The following FUOM variants were observed in gnomAD, a reference collection of about 807,000 sequenced individuals.
FUOM encodes fucose mutarotase.
In FUOM, 19 loss-of-function variants were observed where a neutral mutation model predicts 18.3. The observed-to-expected ratio is 1.04, with a 90% confidence interval of 0.73 to 1.53. The LOEUF (loss-of-function observed/expected upper bound fraction) is 1.53, where lower values mean the gene tolerates loss of function less well. FUOM is among the 40% of genes most tolerant of loss of function. FUOM has a pLI of 0.00. For missense variants in FUOM, 210 were observed against 200.9 expected (o/e 1.04, Z -0.27); for synonymous variants, 102 against 87.9 (o/e 1.16, Z -0.90).
chr10:133,354,206 A>G (rs537476835), downstream of FUOM, among the ~76,000 whole-genome samples: 44 of 152,146 alleles, frequency 2.9e-4, 1 homozygote, highest in Non-Finnish European at 1.0e-4. Context: ...AGAGATGAGC[A>G]GTGATTGGCC....
At chr10:133,355,538 C>T (rs374104109) in intron 5 of FUOM, 102 bp from the exon 6 acceptor site, 402 of 1,609,182 alleles carry the variant, frequency 2.5e-4, no homozygotes, top group Middle Eastern at 8.3e-4. Context: ...TCCACCTTCA[C>T]CCACTTGATG....
In FUOM at chr10:133,357,982, G is replaced by T; in HGVS notation, c.26C>A (p.Ala9Glu). Residue 9 changes from alanine to glutamate, a missense_variant, in exon 1 of 6, where the codon GCA (alanine) becomes GAA (glutamate). Transcript: ENST00000278025. Reference protein sequence around the residue: MVALKGVPALLSPELLYAL... With the variant: MVALKGVPELLSPELLYAL... Reference sequence around the variant, plus strand: ...GTAGAGCAGCTCGGGGGACAGCAGTGCGGGGACACCCTTCAGCGCCACCAT... The same window carrying T: ...GTAGAGCAGCTCGGGGGACAGCAGTTCGGGGACACCCTTCAGCGCCACCAT... 1 of 1,517,224 alleles carries T rather than the reference G, an allele frequency of 6.6e-7. No individual in the cohort carries two copies. 94.0% of individuals were successfully genotyped at this position (1,517,224 alleles called of 1,614,324 possible).
At chr10:133,353,072 A>T (rs2133409240), downstream of FUOM, among the ~76,000 whole-genome samples, 1 of 152,278 alleles carries the variant, frequency 6.6e-6, no homozygotes, top group Non-Finnish European at 1.5e-5. Context: ...GTCTCAGCTG[A>T]GAAACAGAAC....
chr10:133,355,875 G>A, intron 4 of FUOM, 64 bp from the exon 5 acceptor site: 1 of 1,353,302 alleles, frequency 7.4e-7, no homozygotes, highest in Non-Finnish European at 1.1e-6. Context: ...GCCAGCCCTG[G>A]ACTCCCCAGG....
At chr10:133,357,553 G>A (rs778812957) in intron 1 of FUOM, 9 of 501,462 alleles carry the variant, frequency 1.8e-5, no homozygotes, top group African/African-American at 4.1e-5. Context: ...CGCCTCCCCA[G>A]GGGCCAGAGG....
chr10:133,357,133 C>T (rs551038472), intron 2 of FUOM, 54 bp downstream of exon 2: 9 of 1,545,724 alleles, frequency 5.8e-6, no homozygotes, highest in East Asian at 2.4e-5. Flanking sequence ...GCCTCAGAGC[C>T]AGGAGCACCG....
At chr10:133,355,643 G>A (rs1362258879) in intron 5 of FUOM, 95 bp downstream of exon 5, 2 of 1,549,070 alleles carry the variant, frequency 1.3e-6, no homozygotes, top group African/African-American at 1.4e-5. Context: ...GCTGAGAAGA[G>A]GGTAGGGGCA....
At chr10:133,357,883 TC>T in intron 1 of FUOM, 39 bp downstream of exon 1, 2 of 1,486,138 alleles carry the variant, frequency 1.3e-6, no homozygotes, top group South Asian at 1.2e-5. Flanking sequence ...CTCCTGCCTG[TC>T]CCGGGGTGCT....
At chr10:133,353,224 C>T (rs879787309), downstream of FUOM, among the ~76,000 whole-genome samples, 1 of 152,178 alleles carries the variant, frequency 6.6e-6, no homozygotes, top group Non-Finnish European at 1.5e-5. Context: ...GGCGGGTAGA[C>T]CCAGGCCCAG....
At chr10:133,357,896 C>T (rs1039554076) in intron 1 of FUOM, 27 bp downstream of exon 1, 5 of 1,512,264 alleles carry the variant, frequency 3.3e-6, no homozygotes, top group Non-Finnish European at 4.4e-6. Flanking sequence ...CGGGGTGCTC[C>T]CCGAGGCCCC....
chr10:133,357,015 T>A lies in FUOM; in HGVS notation c.155-2A>T. ...CCAGGAGCTGCGGGATGCCCAGGCCTGGAGGGCAGAGGAGGCAGCACTCAG... is the reference window on the plus strand; with the variant it reads ...CCAGGAGCTGCGGGATGCCCAGGCCAGGAGGGCAGAGGAGGCAGCACTCAG... On this transcript the variant is annotated splice_acceptor_variant, in intron 2 of 5. Coordinates refer to ENST00000278025, the MANE Select transcript of FUOM (RefSeq NM_001098483.3). LOFTEE classifies it high-confidence loss of function. 1 of 1,549,874 alleles carries A rather than the reference T, an allele frequency of 6.5e-7. No individual in the cohort carries two copies. Among genetic ancestry groups the A allele is most frequent in the Non-Finnish European group, 8.7e-7 (1 of 1,146,890 alleles).
chr10:133,355,730 G>C lies in FUOM; in HGVS notation c.398+8C>G, dbSNP rs777059226. 4 of 1,613,020 alleles carry C rather than the reference G, an allele frequency of 2.5e-6. No individual in the cohort carries two copies. The South Asian group carries it at 4.4e-5, about 18-fold the overall frequency. On this transcript the variant is annotated splice_region_variant and intron_variant, in intron 5 of 5. Transcript: ENST00000278025. Reference sequence around the variant, plus strand: ...GGATGGGGCAGGTCTGAGCCAGCTGGAACTCACCCCGTTGCCACAACAGCA... The same window carrying C: ...GGATGGGGCAGGTCTGAGCCAGCTGCAACTCACCCCGTTGCCACAACAGCA...
At position 133,358,012 on chromosome 10, in the gene FUOM, C is replaced by A. The variant is rs146000004; in HGVS notation, c.-5G>T. ...GACACCCTTCAGCGCCACCATGGCCCGGCAGACGGGGCGGGCGGGGCCTAG... is the reference window on the plus strand; with the variant it reads ...GACACCCTTCAGCGCCACCATGGCCAGGCAGACGGGGCGGGCGGGGCCTAG... On this transcript the variant is annotated 5_prime_UTR_variant, in exon 1 of 6. Coordinates refer to ENST00000278025, the MANE Select transcript of FUOM (RefSeq NM_001098483.3). 0.033 allele frequency: 49,639 copies of A among 1,485,428 alleles called. 2,025 individuals carry two copies. Among genetic ancestry groups the A allele is most frequent in the African/African-American group, 0.21 (14,017 of 68,294 alleles). The allele number at this position is 1,485,428 out of a possible 1,614,324, so 92.0% of individuals were successfully genotyped here.
At chr10:133,355,637 A>T in intron 5 of FUOM, 101 bp downstream of exon 5, 1 of 1,553,662 alleles carries the variant, frequency 6.4e-7, no homozygotes, top group East Asian at 2.2e-5. Context: ...GCAGAAGCTG[A>T]GAAGAGGGTA....
rs1434093827 is a variant in FUOM at position 133,356,690 on chromosome 10, T to A, written c.274A>T (p.Thr92Ser). 6.2e-7 allele frequency: 1 copy of A among 1,600,766 alleles called. No individual in the cohort carries two copies. The highest frequency in any genetic ancestry group is 1.7e-5 in the Admixed American group (1 of 58,862). The part of the protein sequence containing the change: ...VPSDKERGLQ[T>S]PVWTEYESIL... ...GACTCGTACTCCGTCCACACTGGGG[T>A]CTGCAGGCCCCTCTCCTTGTCGCTG... Residue 92 changes from threonine (T) to serine (S), a missense_variant, in exon 4 of 6, where the codon ACC becomes TCC. Thr to Ser is a moderately conservative substitution (Grantham distance 58, BLOSUM62 1). Transcript: ENST00000278025.
Position 133,356,937 on chromosome 10 carries a change from C to T in FUOM, c.225+6G>A. ...CAGCAGGGTGCAGGGGCGACTCAGC[C>T]CTCACCGGACTCTCCACATAGGTGT... On this transcript the variant is annotated splice_donor_region_variant and intron_variant, in intron 3 of 5. Transcript: ENST00000278025. 6.5e-7 allele frequency: 1 copy of T among 1,550,074 alleles called. No homozygotes were observed. Among genetic ancestry groups the T allele is most frequent in the Non-Finnish European group, 8.7e-7 (1 of 1,146,792 alleles).
intron 4 of FUOM, 109 bp downstream of exon 4, chr10:133,356,531 G>C: frequency 1.3e-6 from 1 of 774,236 alleles, no homozygotes; most frequent in Middle Eastern, 2.4e-4. Context: ...TGATGGGTGG[G>C]AGACCACTTG....
downstream of FUOM, among the ~76,000 whole-genome samples, chr10:133,353,150 G>A (rs964257285): frequency 6.6e-6 from 1 of 152,208 alleles, no homozygotes; most frequent in African/African-American, 2.4e-5. Flanking sequence ...AGTGCCTGGG[G>A]CTCAGGGCCC....
chr10:133,354,514 T>C (rs1427644944), downstream of FUOM, among the ~76,000 whole-genome samples: 2 of 152,096 alleles, frequency 1.3e-5, no homozygotes, highest in Non-Finnish European at 2.9e-5. Context: ...CTGCCCTTGG[T>C]CCCTCAAACT....
Sources: gnomAD v4.1 joint callset for allele counts (sites outside exome capture counted in the v4.1 genomes callset) on GRCh38, gnomAD v4.1.1 for gene constraint, MANE v1.5 for transcripts, NCBI Gene and HGNC (gene_info 2026-07-23, HGNC 2026-07-21) for gene names.